Variants in VRK2 observed in about 807,000 individuals in gnomAD.
The protein encoded by VRK2 is serine/threonine-protein kinase VRK2.
In VRK2, 60 loss-of-function variants were observed where a neutral mutation model predicts 57.6. The observed-to-expected ratio is 1.04, with a 90% CI of 0.85 to 1.29. VRK2 has a LOEUF of 1.29. Ranked by LOEUF, VRK2 falls within the 50% of genes most tolerant of loss-of-function variation. VRK2 has a pLI of 0.00. For synonymous variants in VRK2, 231 were observed against 199.2 expected (o/e 1.16, Z -1.35); for missense variants, 705 against 588.1 (o/e 1.20, Z -2.06).
At chr2:57,942,893 G>T (rs887351506) in intron 1 of VRK2, among the ~76,000 whole-genome samples, 3 of 151,986 alleles carry the variant, frequency 2.0e-5, no homozygotes, top group Admixed American at 2.0e-4. Flanking sequence ...ATTACTTCAG[G>T]GTTCATAAAG....
intron 1 of VRK2, among the ~76,000 whole-genome samples, chr2:57,954,480 A>C (rs1038279843): frequency 6.6e-6 from 1 of 152,094 alleles, no homozygotes; most frequent in African/African-American, 2.4e-5. Context: ...CTACCAGTCT[A>C]ATGTTTTCTT....
intron 1 of VRK2, among the ~76,000 whole-genome samples, chr2:57,951,906 G>C (rs1671438385): frequency 6.7e-6 from 1 of 149,554 alleles, no homozygotes; most frequent in African/African-American, 2.5e-5. Context: ...ACCATGCCCA[G>C]GTAATTTTTT....
intron 1 of VRK2, among the ~76,000 whole-genome samples, chr2:57,957,743 T>A (rs556117548): frequency 2.0e-5 from 3 of 151,468 alleles, no homozygotes; most frequent in African/African-American, 7.3e-5. Context: ...TCATGCAGGG[T>A]CATTTTTTTT....
At chr2:57,947,061 C>A (rs773269002) in intron 1 of VRK2, among the ~76,000 whole-genome samples, 1 of 152,120 alleles carries the variant, frequency 6.6e-6, no homozygotes, top group African/African-American at 2.4e-5. Context: ...CATAGTAAAG[C>A]ATCTCAGTTA....
At chr2:58,044,972 TCA>T (rs1188208962), upstream of VRK2, among the ~76,000 whole-genome samples, 1 of 152,182 alleles carries the variant, frequency 6.6e-6, no homozygotes, top group African/African-American at 2.4e-5. Context: ...AGCCTATCTC[TCA>T]ATCCTCCTCC....
intron 2 of VRK2, among the ~76,000 whole-genome samples, chr2:58,079,924 G>A (rs1320062563): frequency 6.6e-6 from 1 of 151,608 alleles, no homozygotes; most frequent in Non-Finnish European, 1.5e-5. Flanking sequence ...AGTTATTAAG[G>A]GGAGCACTTA....
intron 7 of VRK2, among the ~76,000 whole-genome samples, chr2:58,105,666 A>G (rs1674644422): frequency 1.3e-5 from 2 of 151,934 alleles, no homozygotes; most frequent in South Asian, 4.1e-4. Flanking sequence ...GTGTGGGAAA[A>G]TGGCATTTCT....
At chr2:58,030,298 C>A (rs1674073665) in intron 2 of VRK2, among the ~76,000 whole-genome samples, 1 of 152,056 alleles carries the variant, frequency 6.6e-6, no homozygotes, top group African/African-American at 2.4e-5. Context: ...TTAGGTGTTT[C>A]ATTTATTCAT....
intron 2 of VRK2, among the ~76,000 whole-genome samples, chr2:58,054,724 C>G (rs960722927): frequency 2.8e-4 from 42 of 152,088 alleles, no homozygotes; most frequent in African/African-American, 9.7e-4. Flanking sequence ...TCTTCATCAT[C>G]TACACTTAAA....
chr2:57,978,884 T>C (rs944238088), intron 1 of VRK2, among the ~76,000 whole-genome samples: 1 of 150,854 alleles, frequency 6.6e-6, no homozygotes, highest in African/African-American at 2.5e-5. Context: ...CTCCCAATTA[T>C]GAGTTAGAAC....
chr2:57,970,170 T>A (rs966721), intron 1 of VRK2, among the ~76,000 whole-genome samples: 101,729 of 147,928 alleles, frequency 0.69, 36,052 homozygotes, highest in African/African-American at 0.87. Flanking sequence ...ATCATATATT[T>A]TAAATCATAA....
intron 2 of VRK2, among the ~76,000 whole-genome samples, chr2:58,067,082 C>T (rs1289036261): frequency 6.6e-6 from 1 of 152,170 alleles, no homozygotes; most frequent in African/African-American, 2.4e-5. Context: ...ATCTTTCTCT[C>T]CTGCTGGATG....
rs552299379 is a variant in VRK2 at position 58,087,677 on chromosome 2, T to C, written c.345-664T>C. On this transcript the variant is annotated intron_variant, in intron 5 of 12. Transcript: ENST00000340157. ...TATAGAGACGGTATATATGATCTTATCAAGAAACAAACAAATATAAAATTC... is the reference window on the plus strand; with the variant it reads ...TATAGAGACGGTATATATGATCTTACCAAGAAACAAACAAATATAAAATTC... Among the ~76,000 whole-genome samples, 4 of 152,220 alleles carry C rather than the reference T, an allele frequency of 2.6e-5. No individual in the cohort carries two copies. The South Asian group carries it at 6.2e-4, about 24-fold the overall frequency.
chr2:58,105,849 A>C (rs1172516021), intron 7 of VRK2, among the ~76,000 whole-genome samples: 3 of 151,964 alleles, frequency 2.0e-5, no homozygotes, highest in African/African-American at 4.8e-5. Flanking sequence ...TAAACCAAGT[A>C]GGCTACTTCC....
chr2:58,034,207 C>A (rs1456903319), intron 3 of VRK2, among the ~76,000 whole-genome samples: 1 of 152,024 alleles, frequency 6.6e-6, no homozygotes, highest in Non-Finnish European at 1.5e-5. Flanking sequence ...CTTAAACTCA[C>A]AAATTTCAGT....
intron 1 of VRK2, chr2:58,047,415 G>T: frequency 3.0e-6 from 3 of 985,366 alleles, no homozygotes; most frequent in Non-Finnish European, 3.6e-6. Context: ...ACAGGGACGG[G>T]CCCTGAGAGG....
At chr2:58,086,263 A>C in intron 4 of VRK2, 76 bp from the exon 5 acceptor site, 1 of 1,312,926 alleles carries the variant, frequency 7.6e-7, no homozygotes, top group Non-Finnish European at 1.1e-6. Context: ...TTAGCTAAAT[A>C]AATTTGTCTG....
At chr2:57,963,661 A>G (rs1671826390) in intron 1 of VRK2, among the ~76,000 whole-genome samples, 1 of 152,196 alleles carries the variant, frequency 6.6e-6, no homozygotes, top group Non-Finnish European at 1.5e-5. Context: ...ACTCCATTTA[A>G]TCACACATTC....
At chr2:57,936,862 T>C (rs1309812814) in intron 1 of VRK2, among the ~76,000 whole-genome samples, 1 of 152,196 alleles carries the variant, frequency 6.6e-6, no homozygotes, top group African/African-American at 2.4e-5. Flanking sequence ...TGTAGTTTGG[T>C]CTTGCTAAAA....
Sources: gnomAD v4.1 joint callset for allele counts (sites outside exome capture counted in the v4.1 genomes callset) on GRCh38, gnomAD v4.1.1 for gene constraint, MANE v1.5 for transcripts, NCBI Gene and HGNC (gene_info 2026-07-23, HGNC 2026-07-21) for gene names.